The following ABHD2 variants were observed in gnomAD, a reference collection of about 807,000 sequenced individuals.
ABHD2 encodes monoacylglycerol lipase ABHD2.
ABHD2 carries 20 observed loss-of-function variants against 48.1 expected under a neutral mutation model. That is an observed-to-expected ratio of 0.42 (90% CI 0.29 to 0.60). The LOEUF (loss-of-function observed/expected upper bound fraction) is 0.60. Among genes scored for constraint, ABHD2 ranks in the 20% least tolerant of loss-of-function variants. The probability of loss-of-function intolerance (pLI) is 0.24; values close to 1 mark genes in which losing one functional copy is unlikely to be tolerated. For synonymous variants in ABHD2, 209 were observed against 214.2 expected (o/e 0.98, Z 0.21); for missense variants, 405 against 550.9 (o/e 0.74, Z 2.65).
chr15:89,130,614 A>G (rs756707777), intron 3 of ABHD2, among the ~76,000 whole-genome samples: 1 of 152,168 alleles, frequency 6.6e-6, no homozygotes, highest in Non-Finnish European at 1.5e-5. Context: ...CAGAACAATA[A>G]CAACAAAATA....
Position 89,176,877 on chromosome 15 carries a change from C to T in ABHD2, c.722+882C>T, listed in dbSNP as rs574522550. 6.6e-6 allele frequency among the ~76,000 whole-genome samples: 1 copy of T among 152,300 alleles called. No individual in the cohort carries two copies. The highest frequency in any genetic ancestry group is 2.1e-4 in the South Asian group (1 of 4,830). On this transcript the variant is annotated intron_variant, in intron 6 of 10. Coordinates refer to ENST00000352732, the MANE Select transcript of ABHD2 (RefSeq NM_152924.5). This position sits in a 1 kb window ranked among gnomAD's most constrained non-coding sequence, Gnocchi z 4.5. Reference sequence around the variant, plus strand: ...CAGTCTAATGCCAAACAGTCCTTATCGTTATTCAAAGAATCTTTTTGCCTC... The same window carrying T: ...CAGTCTAATGCCAAACAGTCCTTATTGTTATTCAAAGAATCTTTTTGCCTC...
the ABHD2 span, among the ~76,000 whole-genome samples, chr15:89,067,324 A>C: frequency 0.21 from 32,458 of 152,168 alleles, 4,428 homozygotes; most frequent in African/African-American, 0.37. Context: ...ATTTTCTTTG[A>C]AGCATATGGA....
the ABHD2 span, among the ~76,000 whole-genome samples, chr15:89,049,020 C>G: frequency 6.6e-6 from 1 of 151,994 alleles, no homozygotes; most frequent in Non-Finnish European, 1.5e-5. Context: ...GTGGTTTTAT[C>G]TACTTTTGGT....
intron 10 of ABHD2, 92 bp downstream of exon 10, chr15:89,193,411 C>T (rs2051339674): frequency 2.0e-6 from 2 of 1,007,758 alleles, no homozygotes; most frequent in Admixed American, 3.5e-5. Flanking sequence ...TCCTGGAGAC[C>T]ACCCTCTTTA....
chr15:89,195,223 G>A lies in ABHD2; in HGVS notation c.1082-4G>A, dbSNP rs1222936912. ...TAACTCACTCAGCTGCGTTTCCCCT[G>A]CAGAGAAACGAGAGAACGTCATGTT... On this transcript the variant is annotated splice_region_variant and splice_polypyrimidine_tract_variant and intron_variant, in intron 10 of 10. Coordinates refer to ENST00000352732, the MANE Select transcript of ABHD2 (RefSeq NM_152924.5). The surrounding 1 kb of genome is among the most constrained non-coding windows in gnomAD (Gnocchi z 5.1). The A allele has an allele frequency of 6.2e-7, 1 of 1,612,430 alleles. No individual in the cohort carries two copies. The highest frequency in any genetic ancestry group is 1.3e-5 in the African/African-American group (1 of 74,912).
At chr15:89,096,873 TTTTG>T (rs2049621662) in intron 1 of ABHD2, among the ~76,000 whole-genome samples, 5 of 152,188 alleles carry the variant, frequency 3.3e-5, no homozygotes, top group East Asian at 1.9e-4. Context: ...CTCTGTTTCT[TTTTG>T]TTTGTTTATT....
intron 3 of ABHD2, chr15:89,135,555 A>T (rs1846489805): frequency 6.9e-7 from 1 of 1,440,840 alleles, no homozygotes; most frequent in South Asian, 1.2e-5. Flanking sequence ...ATTCATCATC[A>T]TCTTCATCTT....
At chr15:89,165,963 C>G (rs1400260321) in intron 5 of ABHD2, among the ~76,000 whole-genome samples, 3 of 152,160 alleles carry the variant, frequency 2.0e-5, no homozygotes, top group African/African-American at 7.2e-5. Context: ...AGAGGTAGAT[C>G]AAATCCACTA....
intron 1 of ABHD2, among the ~76,000 whole-genome samples, chr15:89,112,367 C>T (rs1358452395): frequency 1.3e-5 from 2 of 152,206 alleles, no homozygotes; most frequent in African/African-American, 4.8e-5. Context: ...CTGCCTGCCC[C>T]ATGGGCTGCC....
chr15:89,141,676 C>A (rs866292531), intron 3 of ABHD2, among the ~76,000 whole-genome samples: 1 of 152,088 alleles, frequency 6.6e-6, no homozygotes, highest in Non-Finnish European at 1.5e-5. Context: ...CCTGAGTGAT[C>A]CCCCTTTGTT....
intron 3 of ABHD2, among the ~76,000 whole-genome samples, chr15:89,138,809 A>G (rs188577957): frequency 4.5e-4 from 68 of 152,288 alleles, no homozygotes; most frequent in African/African-American, 1.5e-3. Context: ...GTGATAAAGT[A>G]AGGAACGCTT....
chr15:89,049,983 C>G, the ABHD2 span, among the ~76,000 whole-genome samples: 4 of 152,148 alleles, frequency 2.6e-5, no homozygotes, highest in Admixed American at 2.6e-4. Context: ...TGTGACAGAG[C>G]AGAAAATAAA....
At chr15:89,057,646 G>C in the ABHD2 span, among the ~76,000 whole-genome samples, 2 of 152,136 alleles carry the variant, frequency 1.3e-5, no homozygotes, top group Non-Finnish European at 1.5e-5. Flanking sequence ...GCCCCGTTGG[G>C]CTCACCCCCA....
In ABHD2 at chr15:89,201,638, C is replaced by T. The variant is rs1208965666; in HGVS notation, c.*6215C>T. On this transcript the variant is annotated 3_prime_UTR_variant, in exon 11 of 11. Coordinates refer to ENST00000352732, the MANE Select transcript of ABHD2 (RefSeq NM_152924.5). ...TGGGCCTCACACAGTACCGGTGAGG[C>T]ACGGTAGTCTTCACTTTGAAACACA... 1 of 1,598,808 alleles carries T rather than the reference C, an allele frequency of 6.3e-7. No homozygotes were observed. Among genetic ancestry groups the T allele is most frequent in the Non-Finnish European group, 8.6e-7 (1 of 1,166,050 alleles).
intron 3 of ABHD2, among the ~76,000 whole-genome samples, chr15:89,136,711 G>A (rs181246483): frequency 6.6e-6 from 1 of 152,352 alleles, no homozygotes. Context: ...ATTCTGTGTA[G>A]GTAATCCAGG....
chr15:89,159,766 A>ATCC (rs10624456), intron 5 of ABHD2, among the ~76,000 whole-genome samples: 18,209 of 152,144 alleles, frequency 0.12, 1,196 homozygotes, highest in South Asian at 0.19. Context: ...TATCTCCTTC[A>ATCC]ATTTGTGGAT....
chr15:89,194,749 C>T (rs2238308), intron 10 of ABHD2, among the ~76,000 whole-genome samples: 9,541 of 152,162 alleles, frequency 0.063, 415 homozygotes, highest in East Asian at 0.13. Flanking sequence ...AATCAAAATC[C>T]GCATTTTAAT....
At chr15:89,059,245 A>T in the ABHD2 span, among the ~76,000 whole-genome samples, 1 of 152,068 alleles carries the variant, frequency 6.6e-6, no homozygotes, top group East Asian at 1.9e-4. Context: ...GAAGAGGGGT[A>T]CATCTGCCCA....
intron 6 of ABHD2, chr15:89,183,376 AAAAAAAAAATATATATATATATAT>A (rs1219228722): frequency 1.3e-5 from 1 of 75,892 alleles, no homozygotes; most frequent in African/African-American, 4.7e-5. Flanking sequence ...TTCAAAAAAA[AAAAAAAAAATATATATATATATAT>A]ATATATATAT....
Sources: gnomAD v4.1 joint callset for allele counts (sites outside exome capture counted in the v4.1 genomes callset) on GRCh38, gnomAD v4.1.1 for gene constraint, Gnocchi (gnomAD v3.1) non-coding constraint, MANE v1.5 for transcripts, NCBI Gene and HGNC (gene_info 2026-07-23, HGNC 2026-07-21) for gene names.